LEPR: variants seen among roughly 807,000 people sequenced by gnomAD.
LEPR encodes OB receptor.
A neutral mutation model predicts 114.7 loss-of-function variants in LEPR; 56 were observed. The ratio of observed to expected loss-of-function variants is 0.49; its 90% CI spans 0.39 to 0.61. The LOEUF is 0.61. LEPR is among the 20% of genes least tolerant of loss of function. The pLI is 0.00. For missense variants in LEPR, 1,202 were observed against 1,352.9 expected (o/e 0.89, Z 1.75); for synonymous variants, 443 against 461.4 (o/e 0.96, Z 0.51).
chr1:65,525,708 G>C, intron 2 of LEPR: 1 of 985,738 alleles, frequency 1.0e-6, no homozygotes, highest in South Asian at 4.7e-5. Context: ...GAGGAGTTCG[G>C]AGCGGCCCCA....
intron 2 of LEPR, among the ~76,000 whole-genome samples, chr1:65,487,230 T>C (rs1647537713): frequency 6.6e-6 from 1 of 152,204 alleles, no homozygotes; most frequent in Non-Finnish European, 1.5e-5. Context: ...CTGTCAGTTG[T>C]CACTTTTTGC....
chr1:65,527,301 G>A (rs921956160), intron 2 of LEPR, among the ~76,000 whole-genome samples: 1 of 152,218 alleles, frequency 6.6e-6, no homozygotes, highest in Non-Finnish European at 1.5e-5. Context: ...TTTTAGTAAT[G>A]CAGTTAGTTG....
intron 2 of LEPR, among the ~76,000 whole-genome samples, chr1:65,467,734 C>T (rs139972382): frequency 0.017 from 2,657 of 152,292 alleles, 58 homozygotes; most frequent in South Asian, 0.091. Context: ...CTGTGAGCTA[C>T]TCAAGGCTCA....
chr1:65,539,061 TG>T (rs557904365), intron 2 of LEPR, among the ~76,000 whole-genome samples: 5,153 of 78,890 alleles, frequency 0.065, 153 homozygotes, highest in South Asian at 0.18. Flanking sequence ...ATTTATTTCC[TG>T]GTTTTTTTTT....
chr1:65,609,823 G>T, intron 12 of LEPR, 124 bp from the exon 13 acceptor site: 1 of 1,362,902 alleles, frequency 7.3e-7, no homozygotes, highest in Non-Finnish European at 1.0e-6. Flanking sequence ...TGAAGGCAGA[G>T]AACACAGAAT....
At chr1:65,577,970 C>G (rs1654710428) in intron 5 of LEPR, among the ~76,000 whole-genome samples, 2 of 151,128 alleles carry the variant, frequency 1.3e-5, no homozygotes, top group African/African-American at 2.5e-5. Context: ...GCCTCCCACC[C>G]CCCTACAGGC....
rs1657973850 is a variant in LEPR, at chr1:65,622,956, G to A, written c.2648G>A (p.Trp883Ter). ...EDVPNPKNCS[W>*]AQGLNFQKPE... Reference sequence around the variant, plus strand: ...GTTCCGAACCCCAAGAATTGTTCCTGGGCACAAGGACTTAATTTTCAGAAG... The same window carrying A: ...GTTCCGAACCCCAAGAATTGTTCCTAGGCACAAGGACTTAATTTTCAGAAG... The change falls in exon 19 of 20, where the codon TGG (tryptophan) becomes TAG (stop). Residue 883 changes from tryptophan (W) to a stop codon, truncating the protein, a stop_gained. Coordinates refer to ENST00000349533, the MANE Select transcript of LEPR (RefSeq NM_002303.6). LOFTEE classifies it low-confidence loss of function (END_TRUNC). 1 of 1,613,708 alleles carries A rather than the reference G, an allele frequency of 6.2e-7. No individual in the cohort carries two copies. Among genetic ancestry groups the A allele is most frequent in the Admixed American group, 1.7e-5 (1 of 59,976 alleles).
intron 12 of LEPR, among the ~76,000 whole-genome samples, chr1:65,609,146 T>C (rs1657011664): frequency 6.6e-6 from 1 of 152,238 alleles, no homozygotes; most frequent in Non-Finnish European, 1.5e-5. Context: ...TGGAAAAAGA[T>C]TAAATGGCTA....
chr1:65,635,199 G>A (rs557099970), intron 19 of LEPR: 2 of 962,792 alleles, frequency 2.1e-6, no homozygotes, highest in Admixed American at 1.2e-4. Flanking sequence ...TAAAATTCAA[G>A]TTAAATGACG....
chr1:65,552,968 C>G (rs1652521743), intron 2 of LEPR, among the ~76,000 whole-genome samples: 2 of 152,150 alleles, frequency 1.3e-5, no homozygotes, highest in Admixed American at 6.5e-5. Context: ...TTCTCCTTCA[C>G]TTATGAAGCT....
At chr1:65,546,809 C>T (rs1651773668) in intron 2 of LEPR, among the ~76,000 whole-genome samples, 1 of 152,118 alleles carries the variant, frequency 6.6e-6, no homozygotes, top group African/African-American at 2.4e-5. Flanking sequence ...TTTCCTTCTC[C>T]TGCCTAATTG....
intron 4 of LEPR, 83 bp from the exon 5 acceptor site, chr1:65,572,243 T>C: frequency 6.9e-7 from 1 of 1,440,946 alleles, no homozygotes; most frequent in Non-Finnish European, 9.2e-7. Context: ...ATTTAGCTCT[T>C]CTCTTTCACT....
chr1:65,634,491 A>T, intron 19 of LEPR: 3 of 942,686 alleles, frequency 3.2e-6, no homozygotes, highest in Non-Finnish European at 3.8e-6. Flanking sequence ...TATACTTTTA[A>T]TAAAGTTTTA....
At chr1:65,575,383 T>C (rs1280303947) in intron 5 of LEPR, among the ~76,000 whole-genome samples, 1 of 150,940 alleles carries the variant, frequency 6.6e-6, no homozygotes, top group Non-Finnish European at 1.5e-5. Flanking sequence ...CACACACCTT[T>C]CTACGCATAC....
chr1:65,528,403 A>G (rs1650123600), intron 2 of LEPR, among the ~76,000 whole-genome samples: 1 of 152,206 alleles, frequency 6.6e-6, no homozygotes, highest in Admixed American at 6.5e-5. Context: ...GTTGCTCTTC[A>G]AATACGATCT....
chr1:65,426,254 C>T (rs1469502843), intron 2 of LEPR, among the ~76,000 whole-genome samples: 1 of 134,242 alleles, frequency 7.4e-6, no homozygotes, highest in Non-Finnish European at 1.5e-5. Context: ...TGTATATAGC[C>T]TTTTCAGGAA....
intron 2 of LEPR, among the ~76,000 whole-genome samples, chr1:65,485,776 T>C (rs1053461966): frequency 1.3e-5 from 2 of 152,152 alleles, no homozygotes; most frequent in African/African-American, 4.8e-5. Context: ...AAAATGTTCT[T>C]TTGGAGCCAT....
At chr1:65,634,830 G>C in intron 19 of LEPR, 1 of 897,200 alleles carries the variant, frequency 1.1e-6, no homozygotes, top group South Asian at 5.2e-5. Flanking sequence ...AAAAGAAAAT[G>C]AGCAAGCAAA....
intron 2 of LEPR, chr1:65,434,809 C>T: frequency 2.0e-6 from 2 of 985,550 alleles, no homozygotes; most frequent in African/African-American, 3.5e-5. Context: ...TCCTGAGGTT[C>T]TTCATATTCC....
Sources: gnomAD v4.1 joint callset for allele counts (sites outside exome capture counted in the v4.1 genomes callset) on GRCh38, gnomAD v4.1.1 for gene constraint, MANE v1.5 for transcripts, NCBI Gene and HGNC (gene_info 2026-07-23, HGNC 2026-07-21) for gene names.